VPS13C: variants seen among roughly 807,000 people sequenced by gnomAD.
VPS13C encodes vacuolar protein sorting 13 homolog C.
A neutral mutation model predicts 456.8 loss-of-function variants in VPS13C; 358 were observed. The observed-to-expected ratio is 0.78, with a 90% CI of 0.72 to 0.86. The LOEUF (loss-of-function observed/expected upper bound fraction) is 0.86. Ranked by LOEUF, VPS13C falls within the 40% of genes least tolerant of loss-of-function variation. The pLI is 0.00. For synonymous variants in VPS13C, 1,578 were observed against 1,486.7 expected, an observed-to-expected ratio of 1.06 and a Z score of -1.41; for missense variants, 4,818 against 4,385.4, an observed-to-expected ratio of 1.10 and a Z score of -2.79.
At position 61,947,248 on chromosome 15, in the gene VPS13C, T is replaced by C; in HGVS notation, c.4821A>G (p.Ala1607=). Residue 1607 remains alanine, a synonymous_variant, in exon 43 of 85, where the codon GCA becomes GCG. Transcript: ENST00000644861. ...FDLKITAELN[A]FNVFVCDQKC... ...TCTGATCACAGACAAAGACATTAAA[T>C]GCATTTAATTCAGCTGTGATCTTTA... 1 of 1,608,696 alleles carries C rather than the reference T, an allele frequency of 6.2e-7. No individual in the cohort carries two copies. The highest frequency in any genetic ancestry group is 8.5e-7 in the Non-Finnish European group (1 of 1,178,350).
chr15:61,944,418 C>T (rs1007215723), intron 45 of VPS13C, among the ~76,000 whole-genome samples: 2 of 151,980 alleles, frequency 1.3e-5, no homozygotes, highest in Admixed American at 6.6e-5. Context: ...ATAAAGGAAA[C>T]GTGGCACATA....
chr15:61,972,823 C>T (rs2045596137), intron 26 of VPS13C, 59 bp from the exon 27 acceptor site: 1 of 1,407,890 alleles, frequency 7.1e-7, no homozygotes, highest in Non-Finnish European at 9.7e-7. Context: ...CTGCATGAAA[C>T]ACTCAAATCT....
intron 28 of VPS13C, 61 bp downstream of exon 28, chr15:61,969,238 T>C: frequency 8.3e-7 from 1 of 1,211,682 alleles, no homozygotes; most frequent in Non-Finnish European, 1.2e-6. Flanking sequence ...TGAAAGTGTT[T>C]CAGATACTCA....
At chr15:61,892,585 T>C (rs1024630504) in intron 66 of VPS13C, among the ~76,000 whole-genome samples, 10 of 152,126 alleles carry the variant, frequency 6.6e-5, no homozygotes, top group African/African-American at 9.7e-5. Flanking sequence ...TGTAAAGCCA[T>C]AGACGCATGT....
intron 35 of VPS13C, among the ~76,000 whole-genome samples, chr15:61,961,024 T>C (rs1252396132): frequency 6.6e-6 from 1 of 151,648 alleles, no homozygotes; most frequent in African/African-American, 2.4e-5. Flanking sequence ...GAAGTTGCAG[T>C]GAGCCAAGAC....
chr15:61,915,495 C>T (rs1293275152), intron 61 of VPS13C, 138 bp downstream of exon 61: 3 of 937,120 alleles, frequency 3.2e-6, no homozygotes, highest in Non-Finnish European at 4.6e-6. Context: ...CTTGATTACG[C>T]TTAAGTCTCC....
intron 84 of VPS13C, 134 bp from the exon 85 acceptor site, chr15:61,854,692 T>C (rs1403657130): frequency 9.6e-6 from 10 of 1,046,422 alleles, no homozygotes; most frequent in Non-Finnish European, 1.4e-5. Flanking sequence ...ACAGTCCAGA[T>C]GTGTCATATA....
intron 82 of VPS13C, among the ~76,000 whole-genome samples, chr15:61,860,982 GAGAC>G (rs1894195790): frequency 9.3e-6 from 1 of 107,096 alleles, no homozygotes; most frequent in Non-Finnish European, 1.8e-5. Flanking sequence ...TTTTTTTTGA[GAGAC>G]AGTCTTGCTC....
chr15:62,012,266 G>T (rs796120672), intron 11 of VPS13C, 102 bp from the exon 12 acceptor site: 3 of 575,112 alleles, frequency 5.2e-6, no homozygotes, highest in East Asian at 6.7e-5. Flanking sequence ...ACAAAGCTTG[G>T]TTCTTCATCA....
Position 61,961,749 on chromosome 15 carries a change from T to C in VPS13C, c.3748A>G (p.Ile1250Val), listed in dbSNP as rs1430231454. Residue 1250 changes from isoleucine to valine, a missense_variant, in exon 35 of 85, where the codon ATA (isoleucine) becomes GTA (valine). Coordinates refer to ENST00000644861, the MANE Select transcript of VPS13C (RefSeq NM_020821.3). ...SINIDLKAPV[I>V]VIPQSSISTN... is the part of the protein sequence containing the mutation. The stretch of plus-strand genomic sequence containing the variant: ...GAAATAGAAGACTGTGGGATGACTA[T>C]AACCGGTGCTTTCAAATCAATATTG... The C allele has an allele frequency of 6.2e-7, 1 of 1,614,016 alleles. No individual in the cohort carries two copies. The highest frequency in any genetic ancestry group is 2.2e-5 in the East Asian group (1 of 44,862).
At chr15:62,023,936 C>T (rs2047549217) in intron 6 of VPS13C, 91 bp from the exon 7 acceptor site, 3 of 1,237,594 alleles carry the variant, frequency 2.4e-6, no homozygotes, top group South Asian at 1.5e-5. Flanking sequence ...TTTTTCCTAA[C>T]AGCAAATTTT....
chr15:62,010,568 G>C lies in VPS13C; in HGVS notation c.915C>G (p.Leu305=), dbSNP rs747631494. The C allele has an allele frequency of 1.2e-6, 2 of 1,612,534 alleles. No individual in the cohort carries two copies. Among genetic ancestry groups the C allele is most frequent in the Non-Finnish European group, 1.7e-6 (2 of 1,179,456 alleles). The part of the protein sequence containing the change: ...IFQPISASAK[L]YMNPYAESEL... ...CTGATTCTGCATAAGGATTCATGTAGAGTTTTGCAGAGGCTGATATTGGCT... is the reference window on the plus strand; with the variant it reads ...CTGATTCTGCATAAGGATTCATGTACAGTTTTGCAGAGGCTGATATTGGCT... The change falls in exon 13 of 85, where the codon CTC becomes CTG. Residue 305 remains leucine (L), a synonymous_variant. Transcript: ENST00000644861.
At chr15:62,040,369 CAAAG>C (rs902129462) in intron 3 of VPS13C, among the ~76,000 whole-genome samples, 3 of 151,960 alleles carry the variant, frequency 2.0e-5, no homozygotes, top group African/African-American at 7.3e-5. Flanking sequence ...ATTTGTAACA[CAAAG>C]AAAGGATAAA....
intron 22 of VPS13C, among the ~76,000 whole-genome samples, chr15:61,979,786 G>A (rs2045818485): frequency 2.6e-5 from 4 of 152,154 alleles, no homozygotes; most frequent in Admixed American, 2.0e-4. Flanking sequence ...GCCAAAACAA[G>A]TGCGCTCAAA....
intron 27 of VPS13C, among the ~76,000 whole-genome samples, chr15:61,970,890 T>C (rs1295254331): frequency 6.8e-6 from 1 of 146,250 alleles, no homozygotes; most frequent in Non-Finnish European, 1.5e-5. Context: ...AATCAAGCCA[T>C]GCAGGAAAAG....
intron 66 of VPS13C, among the ~76,000 whole-genome samples, chr15:61,899,402 TA>T (rs1566980851): frequency 6.6e-6 from 1 of 150,980 alleles, no homozygotes; most frequent in Non-Finnish European, 1.5e-5. Flanking sequence ...ATAGACGCAA[TA>T]AAAAATGATA....
chr15:62,023,206 A>T (rs998329511), intron 8 of VPS13C, among the ~76,000 whole-genome samples: 1 of 151,948 alleles, frequency 6.6e-6, no homozygotes, highest in African/African-American at 2.4e-5. Context: ...AGCTTCAGAA[A>T]GGAACACATG....
chr15:62,023,032 T>C (rs1397107065), intron 8 of VPS13C, among the ~76,000 whole-genome samples: 1 of 151,926 alleles, frequency 6.6e-6, no homozygotes, highest in Non-Finnish European at 1.5e-5. Context: ...TTAGTCACTT[T>C]TTGGCCAATT....
At position 61,911,858 on chromosome 15, in the gene VPS13C, G is replaced by GTTGGCA; in HGVS notation, c.8696_8697insTGCCAA (p.Asn2899_Tyr2900insAlaAsn). The GTTGGCA allele has an allele frequency of 6.2e-7, 1 of 1,610,148 alleles. No homozygotes were observed. The highest frequency in any genetic ancestry group is 8.5e-7 in the Non-Finnish European group (1 of 1,178,188). ...ATGCTACCTCTGAAGAAGCAATATA[G>GTTGGCA]TTCCATTTATTAGTTGGCATTGAGC... is the stretch of plus-strand genomic sequence containing the variant. On this transcript the variant is annotated inframe_insertion, in exon 63 of 85. Coordinates refer to ENST00000644861, the MANE Select transcript of VPS13C (RefSeq NM_020821.3).
Sources: allele counts gnomAD v4.1 joint callset (sites outside exome capture counted in the v4.1 genomes callset), GRCh38; gene constraint gnomAD v4.1.1; transcripts MANE v1.5; gene names NCBI Gene and HGNC (gene_info 2026-07-23, HGNC 2026-07-21).